Variants in SIGMAR1 observed in about 807,000 individuals in gnomAD.
The protein encoded by SIGMAR1 is sigma non-opioid intracellular receptor 1, also known as SR31747 binding protein 1.
SIGMAR1 carries 18 observed loss-of-function variants against 25.4 expected under a neutral mutation model. The ratio of observed to expected loss-of-function variants is 0.71; its 90% CI spans 0.49 to 1.05. The LOEUF is 1.05. Among genes scored for constraint, SIGMAR1 ranks in the 50% least tolerant of loss-of-function variants. SIGMAR1 has a pLI of 0.00. For synonymous variants in SIGMAR1, 125 were observed against 131.6 expected, an observed-to-expected ratio of 0.95 and a Z score of 0.34; for missense variants, 249 against 301.6, an observed-to-expected ratio of 0.83 and a Z score of 1.29.
Position 34,635,393 on chromosome 9 carries a change from A to G in SIGMAR1, c.*239T>C, listed in dbSNP as rs533461592. 3 of 591,452 alleles carry G rather than the reference A, an allele frequency of 5.1e-6. No individual in the cohort carries two copies. In the African/African-American group the frequency reaches 5.6e-5, roughly 11 times the overall value. The allele number at this position is 591,452 out of a possible 1,614,324, so 36.6% of individuals were successfully genotyped here. A position where few individuals can be genotyped will look rare whatever the true frequency, so the allele number is the denominator to read the frequency against. ...TTGGTATACCGGGGGCTCCCTCTCC[A>G]GATGGGTGTGAGTGCATGGTCCTAC... On this transcript the variant is annotated 3_prime_UTR_variant, in exon 4 of 4. Coordinates refer to ENST00000277010, the MANE Select transcript of SIGMAR1 (RefSeq NM_005866.4). This position sits in a 1 kb window ranked among gnomAD's most constrained non-coding sequence, Gnocchi z 4.5.
intron 2 of SIGMAR1, 37 bp from the exon 3 acceptor site, chr9:34,637,126 C>T (rs1030189234): frequency 1.9e-6 from 3 of 1,611,842 alleles, no homozygotes; most frequent in South Asian, 2.2e-5. Context: ...TCAGGGTATT[C>T]GCGCCATTGC....
In SIGMAR1 at chr9:34,636,791, G is replaced by A; in HGVS notation, c.445+206C>T. On this transcript the variant is annotated intron_variant, in intron 3 of 3. Coordinates refer to ENST00000277010, the MANE Select transcript of SIGMAR1 (RefSeq NM_005866.4). ...AATCAGACATGTTTAATAGGAAGTT[G>A]TTATGTTTTGTTTCCCCTTGACAGA... 3 of 613,318 alleles carry A rather than the reference G, an allele frequency of 4.9e-6. No individual in the cohort carries two copies. The South Asian group carries it at 5.7e-5, about 12-fold the overall frequency. The allele number at this position is 613,318 out of a possible 1,614,324, so 38.0% of individuals were successfully genotyped here.
At position 34,637,092 on chromosome 9, in the gene SIGMAR1, G is replaced by A. The variant is rs1165659683; in HGVS notation, c.353-3C>T. On this transcript the variant is annotated splice_polypyrimidine_tract_variant and splice_region_variant and intron_variant, in intron 2 of 3. Transcript: ENST00000277010. ...CGAGATCTCAGCCCAGTAGCGCCCTGAGTGACAATCGCACATGACACTATC... is the reference window on the plus strand; with the variant it reads ...CGAGATCTCAGCCCAGTAGCGCCCTAAGTGACAATCGCACATGACACTATC... 1 of 1,613,982 alleles carries A rather than the reference G, an allele frequency of 6.2e-7. No individual in the cohort carries two copies. Among genetic ancestry groups the A allele is most frequent in the South Asian group, 1.1e-5 (1 of 91,066 alleles).
At chr9:34,636,303 A>G (rs373201657) in intron 3 of SIGMAR1, among the ~76,000 whole-genome samples, 3 of 145,118 alleles carry the variant, frequency 2.1e-5, no homozygotes, top group Non-Finnish European at 3.0e-5. Context: ...TTTCTTAAGT[A>G]AATTGTTTCA....
chr9:34,635,935 G>A lies in SIGMAR1; in HGVS notation c.446-77C>T. Reference sequence around the variant, plus strand: ...ATGGCTGCTGCTTCCCTGGCCCATGGACTAACTAGGGGTGGGGAATGGAGA... The same window carrying A: ...ATGGCTGCTGCTTCCCTGGCCCATGAACTAACTAGGGGTGGGGAATGGAGA... On this transcript the variant is annotated intron_variant, in intron 3 of 3. Coordinates refer to ENST00000277010, the MANE Select transcript of SIGMAR1 (RefSeq NM_005866.4). This position sits in a 1 kb window ranked among gnomAD's most constrained non-coding sequence, Gnocchi z 4.5. The A allele has an allele frequency of 6.3e-7, 1 of 1,595,010 alleles. No homozygotes were observed. The highest frequency in any genetic ancestry group is 1.1e-5 in the South Asian group (1 of 89,720).
Position 34,637,502 on chromosome 9 carries a change from C to T in SIGMAR1, c.151+45G>A, listed in dbSNP as rs762797767. ...ATGGCGCCTTCGGAACCCTAGGCTCCGCTCCCAGGCCGGCCGCTCCCCTCC... is the reference window on the plus strand; with the variant it reads ...ATGGCGCCTTCGGAACCCTAGGCTCTGCTCCCAGGCCGGCCGCTCCCCTCC... On this transcript the variant is annotated intron_variant, in intron 1 of 3. Coordinates refer to ENST00000277010, the MANE Select transcript of SIGMAR1 (RefSeq NM_005866.4). The T allele has an allele frequency of 1.9e-6, 3 of 1,579,990 alleles. No individual in the cohort carries two copies. In the Admixed American group the frequency reaches 5.3e-5, roughly 28 times the overall value.
Position 34,637,747 on chromosome 9 carries a change from A to C in SIGMAR1, c.-50T>G, listed in dbSNP as rs1412308066. On this transcript the variant is annotated 5_prime_UTR_variant, in exon 1 of 4. Transcript: ENST00000277010. Reference sequence around the variant, plus strand: ...CAGCTCAGGAGGGAGCCGGGGCCTGAGGCTTTGCGCTCACGGCCTCGGAGC... The same window carrying C: ...CAGCTCAGGAGGGAGCCGGGGCCTGCGGCTTTGCGCTCACGGCCTCGGAGC... 17 of 1,338,586 alleles carry C rather than the reference A, an allele frequency of 1.3e-5. No homozygotes were observed. Among genetic ancestry groups the C allele is most frequent in the Non-Finnish European group, 1.6e-5 (16 of 1,023,688 alleles). The allele number at this position is 1,338,586 out of a possible 1,614,324, so 82.9% of individuals were successfully genotyped here.
intron 3 of SIGMAR1, 63 bp downstream of exon 3, chr9:34,636,934 C>T: frequency 1.5e-6 from 2 of 1,362,154 alleles, no homozygotes; most frequent in Non-Finnish European, 2.1e-6. Flanking sequence ...GCCATGCTCC[C>T]CGCAATTGTG....
chr9:34,636,841 G>C (rs1422882176), intron 3 of SIGMAR1, 156 bp downstream of exon 3: 14 of 697,386 alleles, frequency 2.0e-5, no homozygotes, highest in Non-Finnish European at 3.4e-5. Context: ...CCTCAGCTCT[G>C]CCCCAACCAA....
At chr9:34,637,472 C>T (rs375974446) in intron 1 of SIGMAR1, 52 bp from the exon 2 acceptor site, 11 of 1,583,844 alleles carry the variant, frequency 6.9e-6, no homozygotes, top group Non-Finnish European at 8.5e-6. Context: ...GTCCTAGGTC[C>T]GGGGATGGCG....
In SIGMAR1 at chr9:34,635,902, GCC is replaced by G. The variant is rs756790649; in HGVS notation, c.446-46_446-45del. The stretch of plus-strand genomic sequence containing the variant: ...CCAAGTGAAAAGCCAGCTCTGCCCT[GCC>G]CTTCCATGGCTGCTGCTTCCCTGGC... On this transcript the variant is annotated intron_variant, in intron 3 of 3. Transcript: ENST00000277010. The surrounding 1 kb of genome is among the most constrained non-coding windows in gnomAD (Gnocchi z 4.5). The G allele has an allele frequency of 6.2e-6, 10 of 1,610,978 alleles. No homozygotes were observed. Among genetic ancestry groups the G allele is most frequent in the Non-Finnish European group, 7.6e-6 (9 of 1,179,588 alleles).
intron 3 of SIGMAR1, among the ~76,000 whole-genome samples, 189 bp from the exon 4 acceptor site, chr9:34,636,047 C>T (rs1423097373): frequency 6.6e-6 from 1 of 152,150 alleles, no homozygotes; most frequent in Non-Finnish European, 1.5e-5. Flanking sequence ...ATCTGACCCA[C>T]GTCCTCTCTT....
intron 3 of SIGMAR1, among the ~76,000 whole-genome samples, chr9:34,636,188 A>G (rs1163374351): frequency 6.6e-6 from 1 of 152,062 alleles, no homozygotes; most frequent in East Asian, 1.9e-4. Context: ...GGAAAGGGGT[A>G]GTTCCAGGAC....
rs747285235 is a variant in SIGMAR1, at chr9:34,637,678, CG to C, written c.19del (p.Arg7GlyfsTer16). 6.5e-5 allele frequency: 99 copies of C among 1,531,138 alleles called. No homozygotes were observed. The highest frequency in any genetic ancestry group is 8.6e-5 in the Non-Finnish European group (98 of 1,144,160). The allele number at this position is 1,531,138 out of a possible 1,614,324, so 94.8% of individuals were successfully genotyped here. A position where few individuals can be genotyped will look rare whatever the true frequency, so the allele number is the denominator to read the frequency against. MQWAVG[R>X]RWAWAALLLA... is the part of the protein sequence containing the mutation. ...GAGCAGCGCGGCCCACGCCCACCGCCGGCCCACGGCCCACTGCATCCCGGCG... is the reference window on the plus strand; with the variant it reads ...GAGCAGCGCGGCCCACGCCCACCGCCGCCCACGGCCCACTGCATCCCGGCG... On this transcript the variant is annotated frameshift_variant, in exon 1 of 4. Coordinates refer to ENST00000277010, the MANE Select transcript of SIGMAR1 (RefSeq NM_005866.4). LOFTEE classifies it high-confidence loss of function.
chr9:34,635,999 CT>C lies in SIGMAR1; in HGVS notation c.446-142del. On this transcript the variant is annotated intron_variant, in intron 3 of 3. Transcript: ENST00000277010. The surrounding 1 kb of genome is among the most constrained non-coding windows in gnomAD (Gnocchi z 4.5). The stretch of plus-strand genomic sequence containing the variant: ...AAACAAAAAGCCCTACCTCACTGGG[CT>C]GGCCCAGATGGCCACTCCTAAATGT... 3.1e-6 allele frequency: 4 copies of C among 1,278,026 alleles called. No individual in the cohort carries two copies. The Admixed American group carries it at 8.6e-5, about 27-fold the overall frequency. The allele number at this position is 1,278,026 out of a possible 1,614,324, so 79.2% of individuals were successfully genotyped here. A position where few individuals can be genotyped will look rare whatever the true frequency, so the allele number is the denominator to read the frequency against.
rs1219628644 is a variant in SIGMAR1, at chr9:34,635,457, G to A, written c.*175C>T. On this transcript the variant is annotated 3_prime_UTR_variant, in exon 4 of 4. Transcript: ENST00000277010. The surrounding 1 kb of genome is among the most constrained non-coding windows in gnomAD (Gnocchi z 4.5). ...CTCAGTATCTATATGTGTCTCATTT[G>A]TTCCCATGGGTCTCTGTGTTTGGAT... 1.1e-6 allele frequency: 1 copy of A among 943,568 alleles called. No homozygotes were observed. Among genetic ancestry groups the A allele is most frequent in the Non-Finnish European group, 1.6e-6 (1 of 617,546 alleles). The allele number at this position is 943,568 out of a possible 1,614,324, so 58.4% of individuals were successfully genotyped here. A position where few individuals can be genotyped will look rare whatever the true frequency, so the allele number is the denominator to read the frequency against.
In SIGMAR1 at chr9:34,635,190, C is replaced by T. The variant is rs748791195; in HGVS notation, c.*442G>A. 6.8e-5 allele frequency: 18 copies of T among 264,252 alleles called. No homozygotes were observed. Among genetic ancestry groups the T allele is most frequent in the Non-Finnish European group, 9.8e-5 (13 of 133,196 alleles). 16.4% of individuals were successfully genotyped at this position (264,252 alleles called of 1,614,324 possible). On this transcript the variant is annotated 3_prime_UTR_variant, in exon 4 of 4. Coordinates refer to ENST00000277010, the MANE Select transcript of SIGMAR1 (RefSeq NM_005866.4). This position sits in a 1 kb window ranked among gnomAD's most constrained non-coding sequence, Gnocchi z 4.5. ...CCAAAAGGCAGCTCCTCTTCCCCCTCATCCCCTCAAATTGCTGCTGGGTTG... is the reference window on the plus strand; with the variant it reads ...CCAAAAGGCAGCTCCTCTTCCCCCTTATCCCCTCAAATTGCTGCTGGGTTG...
In SIGMAR1 at chr9:34,634,981, T is replaced by C. The variant is rs956496518; in HGVS notation, c.*651A>G. The C allele has an allele frequency of 1.3e-5, 2 of 159,120 alleles. No individual in the cohort carries two copies. Among genetic ancestry groups the C allele is most frequent in the African/African-American group, 4.8e-5 (2 of 41,482 alleles). 9.9% of individuals were successfully genotyped at this position (159,120 alleles called of 1,614,324 possible). A position where few individuals can be genotyped will look rare whatever the true frequency, so the allele number is the denominator to read the frequency against. On this transcript the variant is annotated 3_prime_UTR_variant, in exon 4 of 4. Coordinates refer to ENST00000277010, the MANE Select transcript of SIGMAR1 (RefSeq NM_005866.4). ...AGGAAGAATGGGGGTCTTTCTGGAA[T>C]GGAAGACGCTGACTTCAAGCATTCT...
In SIGMAR1 at chr9:34,635,478, T is replaced by C. The variant is rs1820810929; in HGVS notation, c.*154A>G. ...ATTTGTTCCCATGGGTCTCTGTGTT[T>C]GGATACATAAGCATGGATATCCCTG... On this transcript the variant is annotated 3_prime_UTR_variant, in exon 4 of 4. Coordinates refer to ENST00000277010, the MANE Select transcript of SIGMAR1 (RefSeq NM_005866.4). The surrounding 1 kb of genome is among the most constrained non-coding windows in gnomAD (Gnocchi z 4.5). 2 of 1,152,750 alleles carry C rather than the reference T, an allele frequency of 1.7e-6. No individual in the cohort carries two copies. The highest frequency in any genetic ancestry group is 2.5e-6 in the Non-Finnish European group (2 of 797,172). 71.4% of individuals were successfully genotyped at this position (1,152,750 alleles called of 1,614,324 possible). A position where few individuals can be genotyped will look rare whatever the true frequency, so the allele number is the denominator to read the frequency against.
Sources: allele counts gnomAD v4.1 joint callset (sites outside exome capture counted in the v4.1 genomes callset), GRCh38; gene constraint gnomAD v4.1.1; non-coding constraint Gnocchi (gnomAD v3.1); transcripts MANE v1.5; gene names NCBI Gene and HGNC (gene_info 2026-07-23, HGNC 2026-07-21).